NTNG1: variants seen among roughly 807,000 people sequenced by gnomAD.
The protein encoded by NTNG1 is netrin-G1.
A neutral mutation model predicts 54.0 loss-of-function variants in NTNG1; 16 were observed. The ratio of observed to expected loss-of-function variants is 0.30; its 90% CI spans 0.20 to 0.45. NTNG1 has a LOEUF of 0.45. NTNG1 is among the 20% of genes least tolerant of loss of function. NTNG1 has a pLI of 1.00. For synonymous variants in NTNG1, 255 were observed against 263.1 expected (o/e 0.97, Z 0.30); for missense variants, 530 against 678.7 (o/e 0.78, Z 2.43).
intron 2 of NTNG1, among the ~76,000 whole-genome samples, chr1:107,249,238 C>A (rs1662419182): frequency 6.6e-6 from 1 of 151,480 alleles, no homozygotes; most frequent in Admixed American, 6.6e-5. Flanking sequence ...GTAATCCCAG[C>A]ACTTTGGGAG....
chr1:107,236,342 G>T (rs540789015), intron 2 of NTNG1, among the ~76,000 whole-genome samples: 2 of 152,106 alleles, frequency 1.3e-5, no homozygotes, highest in Non-Finnish European at 2.9e-5. Context: ...AGTTTTTCAG[G>T]CAGAAGGAAG....
rs776493936 is a variant in NTNG1, at chr1:107,334,480, TGGGGGAAGTCTAA to T, written c.887+9560_887+9572del. Reference sequence around the variant, plus strand: ...GAAGGGTGGGCCAAGAGATGATGGGTGGGGGAAGTCTAAGAGGTCAGAGATTTGGCAGGTTGGA... The same window carrying T: ...GAAGGGTGGGCCAAGAGATGATGGGTGAGGTCAGAGATTTGGCAGGTTGGA... On this transcript the variant is annotated intron_variant, in intron 3 of 7. Coordinates refer to ENST00000370068, the MANE Select transcript of NTNG1 (RefSeq NM_001113226.3). Among the ~76,000 whole-genome samples the T allele has an allele frequency of 1.9e-3, 291 of 149,888 alleles. 2 individuals carry two copies. Among genetic ancestry groups the T allele is most frequent in the Non-Finnish European group, 3.5e-3 (236 of 67,412 alleles).
chr1:107,225,347 G>A (rs1660605010), intron 2 of NTNG1, among the ~76,000 whole-genome samples: 1 of 151,802 alleles, frequency 6.6e-6, no homozygotes, highest in East Asian at 1.9e-4. Context: ...CTGTTGATGG[G>A]ACAAAGGAAA....
chr1:107,394,302 C>T (rs935543944), intron 3 of NTNG1, among the ~76,000 whole-genome samples: 4 of 152,150 alleles, frequency 2.6e-5, no homozygotes, highest in African/African-American at 4.8e-5. Context: ...TCAAAGACTT[C>T]GGGCATTGGG....
chr1:107,404,046 A>C (rs768412388), intron 4 of NTNG1, among the ~76,000 whole-genome samples: 80 of 150,576 alleles, frequency 5.3e-4, no homozygotes, highest in Admixed American at 8.6e-4. Flanking sequence ...AATGAAGCTT[A>C]AACTTCAGGA....
chr1:107,322,419 T>C (rs954513508), intron 2 of NTNG1, among the ~76,000 whole-genome samples: 1 of 152,108 alleles, frequency 6.6e-6, no homozygotes, highest in Non-Finnish European at 1.5e-5. Flanking sequence ...AGTGACCATA[T>C]TTTTTCAGTA....
intron 2 of NTNG1, among the ~76,000 whole-genome samples, chr1:107,202,347 A>G (rs1166492108): frequency 6.6e-6 from 1 of 151,874 alleles, no homozygotes; most frequent in Admixed American, 6.6e-5. Context: ...AATGTTGGTT[A>G]TAATAGTATC....
rs753393182 is a variant in NTNG1, at chr1:107,484,554, G to A, written c.*3714G>A. Among the ~76,000 whole-genome samples the A allele has an allele frequency of 2.0e-5, 3 of 152,204 alleles. No homozygotes were observed. The highest frequency in any genetic ancestry group is 4.4e-5 in the Non-Finnish European group (3 of 68,034). On this transcript the variant is annotated 3_prime_UTR_variant, in exon 8 of 8. Coordinates refer to ENST00000370068, the MANE Select transcript of NTNG1 (RefSeq NM_001113226.3). ...AGGTGCCCTTGAGTCAGATCCCTAA[G>A]TTGGCACAAACTGCTAACCACATAA...
chr1:107,446,126 C>G (rs1676291595), intron 7 of NTNG1, among the ~76,000 whole-genome samples: 1 of 152,080 alleles, frequency 6.6e-6, no homozygotes, highest in Admixed American at 6.6e-5. Flanking sequence ...AAAATGTGTC[C>G]TCTGTCTTGA....
intron 2 of NTNG1, among the ~76,000 whole-genome samples, chr1:107,182,606 A>G (rs765366827): frequency 5.3e-5 from 8 of 152,092 alleles, no homozygotes; most frequent in Non-Finnish European, 8.8e-5. Flanking sequence ...TAAACTTCCA[A>G]TCACTCACCA....
intron 5 of NTNG1, among the ~76,000 whole-genome samples, chr1:107,420,049 C>A (rs1354582956): frequency 6.6e-6 from 1 of 152,018 alleles, no homozygotes; most frequent in Admixed American, 6.6e-5. Flanking sequence ...AAATGTCACT[C>A]AGTATTTCCT....
intron 2 of NTNG1, among the ~76,000 whole-genome samples, chr1:107,216,174 C>A (rs1202008732): frequency 6.6e-6 from 1 of 152,076 alleles, no homozygotes; most frequent in Non-Finnish European, 1.5e-5. Context: ...CTAGGACTTC[C>A]AGTACTATGT....
At chr1:107,285,121 G>T (rs1295124506) in intron 2 of NTNG1, among the ~76,000 whole-genome samples, 1 of 152,064 alleles carries the variant, frequency 6.6e-6, no homozygotes, top group African/African-American at 2.4e-5. Context: ...GGAAAATATG[G>T]ATTAAACTCA....
intron 2 of NTNG1, among the ~76,000 whole-genome samples, chr1:107,232,004 T>A (rs1159346884): frequency 6.6e-6 from 1 of 152,194 alleles, no homozygotes; most frequent in Non-Finnish European, 1.5e-5. Context: ...AATGAAGGCC[T>A]CTTGATTCAG....
intron 2 of NTNG1, among the ~76,000 whole-genome samples, chr1:107,236,301 A>C (rs1372940489): frequency 7.2e-5 from 11 of 152,204 alleles, no homozygotes; most frequent in Non-Finnish European, 1.5e-5. Context: ...TTCTACATCC[A>C]TCAAAGTTAT....
chr1:107,359,591 T>C (rs1246541286), intron 3 of NTNG1, among the ~76,000 whole-genome samples: 3 of 152,150 alleles, frequency 2.0e-5, no homozygotes. Flanking sequence ...ACTTTTTCTA[T>C]TTTCTGTCTG....
At chr1:107,333,088 AC>A (rs1330790554) in intron 3 of NTNG1, among the ~76,000 whole-genome samples, 2 of 152,056 alleles carry the variant, frequency 1.3e-5, no homozygotes, top group Non-Finnish European at 1.5e-5. Context: ...GGTAGTTACT[AC>A]ACTGGCTCTC....
At chr1:107,434,407 A>C (rs1378788583) in intron 6 of NTNG1, among the ~76,000 whole-genome samples, 1 of 152,210 alleles carries the variant, frequency 6.6e-6, no homozygotes, top group East Asian at 1.9e-4. Context: ...GTAATGACAT[A>C]GCAATTACAT....
intron 2 of NTNG1, among the ~76,000 whole-genome samples, chr1:107,252,230 T>C (rs1662652223): frequency 6.6e-6 from 1 of 152,244 alleles, no homozygotes; most frequent in African/African-American, 2.4e-5. Context: ...CCTACTTTTA[T>C]ATAGGATCTT....
Sources: gnomAD v4.1 joint callset for allele counts (sites outside exome capture counted in the v4.1 genomes callset) on GRCh38, gnomAD v4.1.1 for gene constraint, MANE v1.5 for transcripts, NCBI Gene and HGNC (gene_info 2026-07-23, HGNC 2026-07-21) for gene names.